GRIK2: variants seen among roughly 807,000 people sequenced by gnomAD.
GRIK2 encodes glutamate ionotropic receptor kainate type subunit 2.
A neutral mutation model predicts 100.3 loss-of-function variants in GRIK2; 32 were observed. The observed-to-expected ratio is 0.32, with a 90% CI of 0.24 to 0.43. The LOEUF (loss-of-function observed/expected upper bound fraction) is 0.43, where lower values mean the gene tolerates loss of function less well. Among genes scored for constraint, GRIK2 ranks in the 20% least tolerant of loss-of-function variants. The pLI, the probability that GRIK2 is intolerant of heterozygous loss-of-function variation, is 1.00. For synonymous variants in GRIK2, 417 were observed against 389.4 expected, an observed-to-expected ratio of 1.07 and a Z score of -0.83; for missense variants, 843 against 1,114.9, an observed-to-expected ratio of 0.76 and a Z score of 3.47.
intron 14 of GRIK2, among the ~76,000 whole-genome samples, chr6:102,010,449 T>A (rs1189463899): frequency 1.3e-5 from 2 of 151,720 alleles, no homozygotes; most frequent in Non-Finnish European, 2.9e-5. Flanking sequence ...AATGGTGCAA[T>A]CTAGGCTCAC....
At chr6:101,725,953 A>T (rs1016030399) in intron 7 of GRIK2, among the ~76,000 whole-genome samples, 1 of 152,084 alleles carries the variant, frequency 6.6e-6, no homozygotes, top group South Asian at 2.1e-4. Context: ...TAAAGTTTTC[A>T]TTGAGATTAG....
At chr6:101,770,319 C>G (rs1045096030) in intron 7 of GRIK2, among the ~76,000 whole-genome samples, 31 of 152,166 alleles carry the variant, frequency 2.0e-4, no homozygotes, top group Non-Finnish European at 2.9e-4. Context: ...CGTCACCACC[C>G]TGTCTTACCT....
chr6:101,842,485 T>C (rs1490521211), intron 10 of GRIK2, among the ~76,000 whole-genome samples: 1 of 152,176 alleles, frequency 6.6e-6, no homozygotes, highest in Non-Finnish European at 1.5e-5. Context: ...ATGCAAACTT[T>C]TAGTATTAGT....
Position 101,983,042 on chromosome 6 carries a change from GAAGTA to G in GRIK2, c.2086-52297_2086-52293del, listed in dbSNP as rs1444469302. ...TTCCTAATTTTCACCTGCTATGAAT[GAAGTA>G]ATGTCTTTATTTTAGCAAAATTATC... is the stretch of plus-strand genomic sequence containing the variant. On this transcript the variant is annotated intron_variant, in intron 14 of 16. Transcript: ENST00000369134. 9.2e-5 allele frequency among the ~76,000 whole-genome samples: 14 copies of G among 151,948 alleles called. No homozygotes were observed. The East Asian group carries it at 1.9e-3, about 21-fold the overall frequency.
intron 7 of GRIK2, among the ~76,000 whole-genome samples, chr6:101,759,628 T>A (rs1777357503): frequency 1.3e-5 from 2 of 151,996 alleles, no homozygotes; most frequent in South Asian, 4.1e-4. Flanking sequence ...GTCATTTGAG[T>A]TCAAGTCATA....
intron 2 of GRIK2, among the ~76,000 whole-genome samples, chr6:101,434,949 C>T (rs1352573273): frequency 9.1e-6 from 1 of 110,236 alleles, no homozygotes; most frequent in Admixed American, 9.7e-5. Flanking sequence ...TGAGGAAGAG[C>T]CTAAGGAGAA....
intron 2 of GRIK2, among the ~76,000 whole-genome samples, chr6:101,470,918 T>A (rs182634305): frequency 6.6e-6 from 1 of 152,304 alleles, no homozygotes; most frequent in East Asian, 1.9e-4. Flanking sequence ...TGATCTATAG[T>A]ACAACCATGA....
chr6:102,048,857 T>TAATG (rs1771031509), intron 15 of GRIK2, among the ~76,000 whole-genome samples: 1 of 152,066 alleles, frequency 6.6e-6, no homozygotes, highest in South Asian at 2.1e-4. Context: ...TCTGAATAAC[T>TAATG]AATGAATATA....
At chr6:101,560,745 AAAC>A (rs1275486303) in intron 2 of GRIK2, among the ~76,000 whole-genome samples, 19 of 151,268 alleles carry the variant, frequency 1.3e-4, no homozygotes, top group African/African-American at 4.4e-4. Flanking sequence ...CAAAGAAAAA[AAAC>A]AAAATCATAA....
chr6:102,064,183 T>C (rs904648851), intron 16 of GRIK2: 1 of 499,400 alleles, frequency 2.0e-6, no homozygotes, highest in East Asian at 3.6e-5. Context: ...CACCCCTAAA[T>C]AGTGATTTTA....
At chr6:101,397,781 G>A (rs563258385) in intron 1 of GRIK2, among the ~76,000 whole-genome samples, 60 of 152,050 alleles carry the variant, frequency 3.9e-4, no homozygotes, top group African/African-American at 1.3e-3. Context: ...TTTAACCTAT[G>A]CCCTGTTAGT....
intron 7 of GRIK2, among the ~76,000 whole-genome samples, chr6:101,694,428 A>G (rs1289135357): frequency 5.3e-5 from 8 of 152,144 alleles, no homozygotes; most frequent in Non-Finnish European, 1.0e-4. Flanking sequence ...ATGTTTTTTC[A>G]CGCTAATTAA....
intron 7 of GRIK2, among the ~76,000 whole-genome samples, chr6:101,737,238 C>T (rs1775702240): frequency 6.6e-6 from 1 of 152,248 alleles, no homozygotes; most frequent in South Asian, 2.1e-4. Flanking sequence ...TACCAAGTTC[C>T]AAAGTTGCTT....
intron 7 of GRIK2, among the ~76,000 whole-genome samples, chr6:101,710,571 TA>T (rs1489538976): frequency 6.6e-6 from 1 of 151,870 alleles, no homozygotes; most frequent in East Asian, 1.9e-4. Flanking sequence ...AATCTAAAGA[TA>T]AAAACAAAAC....
intron 14 of GRIK2, among the ~76,000 whole-genome samples, chr6:102,019,097 G>A (rs1427770383): frequency 2.0e-5 from 3 of 151,938 alleles, no homozygotes; most frequent in African/African-American, 7.3e-5. Flanking sequence ...CATTTGCTCT[G>A]GCAAATCAGT....
intron 7 of GRIK2, among the ~76,000 whole-genome samples, chr6:101,711,405 G>T (rs1773685686): frequency 6.6e-6 from 1 of 151,528 alleles, no homozygotes; most frequent in African/African-American, 2.4e-5. Context: ...AAAAATTCAT[G>T]ATTTTAATAT....
At chr6:101,652,098 T>G (rs1224895320) in intron 4 of GRIK2, among the ~76,000 whole-genome samples, 4 of 152,144 alleles carry the variant, frequency 2.6e-5, no homozygotes, top group Admixed American at 6.6e-5. Flanking sequence ...AAGAAAAGTT[T>G]CCGTGGAGTG....
intron 14 of GRIK2, among the ~76,000 whole-genome samples, chr6:101,936,608 C>A (rs1177955526): frequency 6.6e-6 from 1 of 151,990 alleles, no homozygotes; most frequent in African/African-American, 2.4e-5. Flanking sequence ...AGGCCTGATC[C>A]TATGTTTATT....
At chr6:101,484,132 A>C (rs1772687482) in intron 2 of GRIK2, among the ~76,000 whole-genome samples, 1 of 152,228 alleles carries the variant, frequency 6.6e-6, no homozygotes, top group Non-Finnish European at 1.5e-5. Flanking sequence ...TACTGATTGC[A>C]AAAGACAACA....
Sources: allele counts gnomAD v4.1 joint callset (sites outside exome capture counted in the v4.1 genomes callset), GRCh38; gene constraint gnomAD v4.1.1; transcripts MANE v1.5; gene names NCBI Gene and HGNC (gene_info 2026-07-23, HGNC 2026-07-21).